The following CTNNA2 variants were observed in gnomAD, a reference collection of about 807,000 sequenced individuals.
The protein encoded by CTNNA2 is catenin alpha 2.
CTNNA2 carries 42 observed loss-of-function variants against 101.0 expected under a neutral mutation model. The ratio of observed to expected loss-of-function variants is 0.42; its 90% confidence interval spans 0.32 to 0.54. The LOEUF (loss-of-function observed/expected upper bound fraction) is 0.54, where lower values mean the gene tolerates loss of function less well. Among genes scored for constraint, CTNNA2 ranks in the 20% least tolerant of loss-of-function variants. The pLI, the probability that CTNNA2 is intolerant of heterozygous loss-of-function variation, is 0.14. For missense variants in CTNNA2, 871 were observed against 1,223.1 expected, an observed-to-expected ratio of 0.71 and a Z score of 4.29; for synonymous variants, 450 against 456.4, an observed-to-expected ratio of 0.99 and a Z score of 0.18.
intron 7 of CTNNA2, among the ~76,000 whole-genome samples, chr2:80,300,816 C>T (rs1235126839): frequency 6.6e-6 from 1 of 152,026 alleles, no homozygotes; most frequent in African/African-American, 2.4e-5. Flanking sequence ...CAGCCTTCCC[C>T]TTCCCTTCTC....
At chr2:79,425,664 T>G (rs953637373) in intron 4 of CTNNA2, among the ~76,000 whole-genome samples, 1 of 152,082 alleles carries the variant, frequency 6.6e-6, no homozygotes, top group African/African-American at 2.4e-5. Context: ...GCTGTCACAT[T>G]TCACAACACC....
chr2:79,869,705 G>A (rs1401672795), intron 4 of CTNNA2, 111 bp from the exon 5 acceptor site: 5 of 1,361,096 alleles, frequency 3.7e-6, no homozygotes, highest in Non-Finnish European at 3.9e-6. Flanking sequence ...TCATTTACAT[G>A]TTAACACATA....
intron 2 of CTNNA2, among the ~76,000 whole-genome samples, chr2:79,730,360 A>G (rs1687121860): frequency 6.6e-6 from 1 of 152,140 alleles, no homozygotes; most frequent in South Asian, 2.1e-4. Context: ...ATTCTAGAGT[A>G]GAAACTAATG....
intron 1 of CTNNA2, among the ~76,000 whole-genome samples, chr2:79,195,681 C>T (rs1673950178): frequency 6.6e-6 from 1 of 152,180 alleles, no homozygotes; most frequent in Non-Finnish European, 1.5e-5. Flanking sequence ...GACCTTAATA[C>T]ATTTATCCCT....
At chr2:80,106,138 G>A (rs552542626) in intron 7 of CTNNA2, among the ~76,000 whole-genome samples, 98 of 152,310 alleles carry the variant, frequency 6.4e-4, no homozygotes, top group African/African-American at 2.2e-3. Context: ...GTTGTATGTA[G>A]AGGTGGCATA....
At chr2:79,201,776 G>T (rs1472863667) in intron 2 of CTNNA2, among the ~76,000 whole-genome samples, 1 of 151,988 alleles carries the variant, frequency 6.6e-6, no homozygotes, top group Non-Finnish European at 1.5e-5. Flanking sequence ...TTCGTGGTTA[G>T]CAAAATGTGA....
intron 7 of CTNNA2, among the ~76,000 whole-genome samples, chr2:79,954,629 G>C (rs546366281): frequency 7.3e-4 from 111 of 152,214 alleles, no homozygotes; most frequent in African/African-American, 2.4e-3. Context: ...TCACTGTAAG[G>C]TTCAAGCAGC....
chr2:79,538,363 T>A (rs2103974244), intron 1 of CTNNA2, among the ~76,000 whole-genome samples: 1 of 152,314 alleles, frequency 6.6e-6, no homozygotes, highest in South Asian at 2.1e-4. Flanking sequence ...TTTTCTCTAA[T>A]CCTTTATTTA....
intron 4 of CTNNA2, among the ~76,000 whole-genome samples, chr2:79,392,280 C>T (rs1678182631): frequency 2.6e-5 from 4 of 152,168 alleles, no homozygotes; most frequent in Admixed American, 2.6e-4. Flanking sequence ...TCCTAGTCCC[C>T]ATACCTAGAA....
intron 12 of CTNNA2, among the ~76,000 whole-genome samples, chr2:80,565,311 A>G (rs1389037221): frequency 6.6e-6 from 1 of 152,164 alleles, no homozygotes; most frequent in Non-Finnish European, 1.5e-5. Flanking sequence ...AAGTTCTAGG[A>G]GCAAGTTTAT....
intron 7 of CTNNA2, among the ~76,000 whole-genome samples, chr2:80,270,477 A>G (rs887935623): frequency 3.9e-5 from 6 of 152,222 alleles, no homozygotes; most frequent in Admixed American, 2.0e-4. Flanking sequence ...ATGGACCTAC[A>G]GCATTCAAAA....
chr2:79,954,854 G>A (rs1029918881), intron 7 of CTNNA2, among the ~76,000 whole-genome samples: 6 of 152,080 alleles, frequency 3.9e-5, no homozygotes, highest in Non-Finnish European at 7.3e-5. Flanking sequence ...TGAGTTATGA[G>A]GTAGACAAAG....
intron 9 of CTNNA2, among the ~76,000 whole-genome samples, chr2:80,491,491 C>T (rs1687059200): frequency 6.6e-6 from 1 of 152,144 alleles, no homozygotes; most frequent in Non-Finnish European, 1.5e-5. Flanking sequence ...TCTTTAGTTA[C>T]AATCCAATGA....
At chr2:79,600,541 A>G (rs1677485400) in intron 1 of CTNNA2, among the ~76,000 whole-genome samples, 2 of 152,096 alleles carry the variant, frequency 1.3e-5, no homozygotes. Flanking sequence ...TATTTGGTGA[A>G]AGCTTCACTG....
intron 1 of CTNNA2, among the ~76,000 whole-genome samples, chr2:79,645,464 T>A (rs992469925): frequency 9.2e-5 from 14 of 152,034 alleles, no homozygotes; most frequent in Non-Finnish European, 2.1e-4. Flanking sequence ...CTACCCTAAA[T>A]AGGGGAGAAA....
chr2:80,067,971 A>G (rs1029607201), intron 7 of CTNNA2, among the ~76,000 whole-genome samples: 5 of 152,228 alleles, frequency 3.3e-5, no homozygotes, highest in African/African-American at 1.2e-4. Context: ...GAGGGACCCC[A>G]GGCCACAACT....
intron 13 of CTNNA2, among the ~76,000 whole-genome samples, chr2:80,580,464 G>A (rs77839750): frequency 0.04 from 6,048 of 152,150 alleles, 414 homozygotes; most frequent in African/African-American, 0.14. Flanking sequence ...AAGTATGTTT[G>A]GAGTCAGACA....
At chr2:79,653,860 C>T (rs1202191330) in intron 2 of CTNNA2, among the ~76,000 whole-genome samples, 3 of 152,172 alleles carry the variant, frequency 2.0e-5, no homozygotes, top group Non-Finnish European at 4.4e-5. Flanking sequence ...GTAATTCTGA[C>T]TTCCACGTAA....
intron 4 of CTNNA2, among the ~76,000 whole-genome samples, chr2:79,404,694 C>T (rs1007681681): frequency 6.6e-6 from 1 of 152,036 alleles, no homozygotes; most frequent in Admixed American, 6.6e-5. Context: ...TGTGGAACAC[C>T]TCACTCTGGG....
Sources: allele counts gnomAD v4.1 joint callset (sites outside exome capture counted in the v4.1 genomes callset), GRCh38; gene constraint gnomAD v4.1.1; transcripts MANE v1.5; gene names NCBI Gene and HGNC (gene_info 2026-07-23, HGNC 2026-07-21).